PGM5: variants seen among roughly 807,000 people sequenced by gnomAD.
The protein encoded by PGM5 is phosphoglucomutase-like protein 5.
PGM5 carries 23 observed loss-of-function variants against 59.2 expected under a neutral mutation model. That is an observed-to-expected ratio of 0.39 (90% CI 0.28 to 0.55). PGM5 has a LOEUF of 0.55. Ranked by LOEUF, PGM5 falls within the 20% of genes least tolerant of loss-of-function variation. PGM5 has a pLI of 0.66. For synonymous variants in PGM5, 214 were observed against 286.0 expected, an observed-to-expected ratio of 0.75 and a Z score of 2.54; for missense variants, 574 against 748.3, an observed-to-expected ratio of 0.77 and a Z score of 2.72.
chr9:68,387,181 T>C (rs1252716679), intron 3 of PGM5, among the ~76,000 whole-genome samples: 4 of 152,042 alleles, frequency 2.6e-5, no homozygotes, highest in Non-Finnish European at 5.9e-5. Context: ...CACATTTTTA[T>C]CTTAATTTAT....
intron 10 of PGM5, among the ~76,000 whole-genome samples, chr9:68,525,915 G>T (rs1824965255): frequency 6.6e-6 from 1 of 152,030 alleles, no homozygotes; most frequent in Admixed American, 6.5e-5. Context: ...AATTATCCGA[G>T]CATGGTGGCA....
At chr9:68,506,949 A>C (rs1480136053) in intron 10 of PGM5, among the ~76,000 whole-genome samples, 2 of 152,204 alleles carry the variant, frequency 1.3e-5, no homozygotes, top group African/African-American at 2.4e-5. Flanking sequence ...CCCTGAAAAA[A>C]ATTATATTTC....
At chr9:68,453,542 G>A (rs569456777) in intron 6 of PGM5, among the ~76,000 whole-genome samples, 1 of 152,214 alleles carries the variant, frequency 6.6e-6, no homozygotes, top group East Asian at 1.9e-4. Flanking sequence ...CAGGAGTTTT[G>A]CCTAGGGTGG....
Position 68,479,411 on chromosome 9 carries a change from C to T in PGM5, c.1160-7C>T. On this transcript the variant is annotated splice_region_variant and splice_polypyrimidine_tract_variant and intron_variant, in intron 7 of 10. Coordinates refer to ENST00000396396, the MANE Select transcript of PGM5 (RefSeq NM_021965.4). ...AATGCTCAGCAGAATTTTTCTTTCA[C>T]CTTTAGGCTCTGACCACCTCCGAGA... 6.2e-7 allele frequency: 1 copy of T among 1,603,828 alleles called. No homozygotes were observed. The highest frequency in any genetic ancestry group is 1.1e-5 in the South Asian group (1 of 90,252).
At chr9:68,409,311 G>A (rs1467660955) in intron 6 of PGM5, among the ~76,000 whole-genome samples, 2 of 141,476 alleles carry the variant, frequency 1.4e-5, no homozygotes, top group Admixed American at 7.3e-5. Flanking sequence ...GTGGAAGTCA[G>A]TGTGGCGATT....
At chr9:68,462,135 GA>G (rs112130020) in intron 6 of PGM5, among the ~76,000 whole-genome samples, 14,115 of 151,906 alleles carry the variant, frequency 0.093, 1,754 homozygotes, top group African/African-American at 0.29. Context: ...TCACTCGCAG[GA>G]AAAAATGTGG....
At chr9:68,372,733 A>G (rs3119647) in intron 1 of PGM5, among the ~76,000 whole-genome samples, 6 of 152,268 alleles carry the variant, frequency 3.9e-5, no homozygotes, top group South Asian at 4.1e-4. Context: ...GCCTGGTGCC[A>G]GCATCTCCTT....
intron 10 of PGM5, among the ~76,000 whole-genome samples, chr9:68,510,252 C>G (rs930235087): frequency 6.6e-6 from 1 of 150,820 alleles, no homozygotes; most frequent in Non-Finnish European, 1.5e-5. Context: ...CCTGGGTTCA[C>G]GCCCTTCTCC....
intron 6 of PGM5, among the ~76,000 whole-genome samples, chr9:68,445,014 G>A (rs186690071): frequency 1.3e-5 from 2 of 152,294 alleles, no homozygotes; most frequent in Non-Finnish European, 2.9e-5. Flanking sequence ...GACTGAAGAG[G>A]CTGAACTAGC....
intron 6 of PGM5, chr9:68,405,574 CTCA>C (rs1432297083): frequency 1.3e-5 from 2 of 153,420 alleles, no homozygotes; most frequent in Non-Finnish European, 2.9e-5. Context: ...GTCCTTCTTT[CTCA>C]TCCTCTCCTC....
At chr9:68,503,945 G>C (rs924286201) in intron 10 of PGM5, among the ~76,000 whole-genome samples, 1 of 152,178 alleles carries the variant, frequency 6.6e-6, no homozygotes, top group Non-Finnish European at 1.5e-5. Context: ...TTAAAATGTG[G>C]ATTCTGACTC....
chr9:68,373,139 C>T (rs1554677304), intron 1 of PGM5, among the ~76,000 whole-genome samples: 1 of 138,306 alleles, frequency 7.2e-6, no homozygotes, highest in Admixed American at 7.4e-5. Context: ...TATTAAAATC[C>T]TCCTCTGCCT....
intron 6 of PGM5, among the ~76,000 whole-genome samples, chr9:68,432,647 CCAGGCTGGAGGGCAGTGGTG>C (rs1311352708): frequency 6.6e-6 from 1 of 151,758 alleles, no homozygotes; most frequent in African/African-American, 2.4e-5. Context: ...ACTCTGTTAC[CCAGGCTGGAGGGCAGTGGTG>C]CAATCTCGGC....
chr9:68,411,317 G>A, intron 6 of PGM5, among the ~76,000 whole-genome samples: 1 of 151,630 alleles, frequency 6.6e-6, no homozygotes, highest in Non-Finnish European at 1.5e-5. Context: ...TTGAGCCCAG[G>A]AGTTCAAGAC....
chr9:68,474,451 T>C (rs563483153), intron 7 of PGM5, among the ~76,000 whole-genome samples: 1 of 152,286 alleles, frequency 6.6e-6, no homozygotes, highest in South Asian at 2.1e-4. Flanking sequence ...TTCCCTTTTC[T>C]TTTGTGAGGG....
At chr9:68,359,738 C>A (rs1554676128) in intron 1 of PGM5, among the ~76,000 whole-genome samples, 1 of 152,214 alleles carries the variant, frequency 6.6e-6, no homozygotes, top group South Asian at 2.1e-4. Flanking sequence ...AGAATTTATT[C>A]TCTTTGAACT....
chr9:68,530,294 A>G lies in PGM5; in HGVS notation c.*638A>G, dbSNP rs1207739960. 1 of 152,190 alleles carries G rather than the reference A, an allele frequency of 6.6e-6. No homozygotes were observed. Among genetic ancestry groups the G allele is most frequent in the East Asian group, 1.9e-4 (1 of 5,198 alleles). 9.4% of individuals were successfully genotyped at this position (152,190 alleles called of 1,614,324 possible). On this transcript the variant is annotated 3_prime_UTR_variant, in exon 11 of 11. Coordinates refer to ENST00000396396, the MANE Select transcript of PGM5 (RefSeq NM_021965.4). ...CAATGGTGCACTTCCAACAAAATAT[A>G]TCAATAGGTGTTTTCCTCTCTTATT... is the stretch of plus-strand genomic sequence containing the variant.
At chr9:68,446,196 TATACTC>T (rs1352981109) in intron 6 of PGM5, among the ~76,000 whole-genome samples, 7 of 152,214 alleles carry the variant, frequency 4.6e-5, no homozygotes, top group African/African-American at 9.6e-5. Flanking sequence ...TGTCACAACT[TATACTC>T]AGTTACATCC....
At chr9:68,377,347 A>G (rs1821947221) in intron 1 of PGM5, among the ~76,000 whole-genome samples, 1 of 152,164 alleles carries the variant, frequency 6.6e-6, no homozygotes, top group African/African-American at 2.4e-5. Context: ...CTTTAAAACT[A>G]CTAATGCTGG....
Sources: allele counts gnomAD v4.1 joint callset (sites outside exome capture counted in the v4.1 genomes callset), GRCh38; gene constraint gnomAD v4.1.1; transcripts MANE v1.5; gene names NCBI Gene and HGNC (gene_info 2026-07-23, HGNC 2026-07-21).